The following TRAPPC9 variants were observed in gnomAD, a reference collection of about 807,000 sequenced individuals.
TRAPPC9 encodes the protein trafficking protein particle complex subunit 9.
In TRAPPC9, 83 loss-of-function variants were observed where a neutral mutation model predicts 124.0. The observed-to-expected ratio is 0.67, with a 90% CI of 0.56 to 0.80. The LOEUF is 0.80. TRAPPC9 is among the 30% of genes least tolerant of loss of function. TRAPPC9 has a pLI of 0.00. For missense variants in TRAPPC9, 1,302 were observed against 1,508.3 expected (o/e 0.86, Z 2.27); for synonymous variants, 638 against 617.5 (o/e 1.03, Z -0.49).
intron 21 of TRAPPC9, among the ~76,000 whole-genome samples, chr8:139,784,647 A>C (rs1363566964): frequency 7.0e-6 from 1 of 142,466 alleles, no homozygotes; most frequent in African/African-American, 2.6e-5. Flanking sequence ...ATATATATAA[A>C]TCAACTGCAT....
At chr8:140,244,870 A>G (rs1293721145) in intron 16 of TRAPPC9, among the ~76,000 whole-genome samples, 1 of 135,418 alleles carries the variant, frequency 7.4e-6, no homozygotes, top group Non-Finnish European at 1.5e-5. Flanking sequence ...GCAGTGGCGC[A>G]ATCTCGGCTC....
intron 19 of TRAPPC9, among the ~76,000 whole-genome samples, chr8:139,976,538 A>G (rs575998609): frequency 2.1e-4 from 32 of 152,336 alleles, no homozygotes; most frequent in African/African-American, 7.5e-4. Flanking sequence ...CACAATGCAC[A>G]AGGAACTCTC....
At chr8:140,368,426 C>T (rs1337165940) in intron 8 of TRAPPC9, among the ~76,000 whole-genome samples, 1 of 152,170 alleles carries the variant, frequency 6.6e-6, no homozygotes, top group Non-Finnish European at 1.5e-5. Context: ...CATCAGCGCT[C>T]CGCCTGCCCC....
rs201330989 is a variant in TRAPPC9, at chr8:140,451,187, G to A, written c.187C>T (p.Pro63Ser). 3.5e-5 allele frequency: 56 copies of A among 1,614,028 alleles called. No individual in the cohort carries two copies. Among genetic ancestry groups the A allele is most frequent in the Non-Finnish European group, 4.7e-5 (55 of 1,180,030 alleles). Residue 63 changes from proline (P) to serine (S), a missense_variant, in exon 2 of 23, where the codon CCC (proline) becomes TCC (serine). Coordinates refer to ENST00000438773, the MANE Select transcript of TRAPPC9 (RefSeq NM_001160372.4). Reference protein sequence around the residue: ...LYIRYRHHYPPENNEWGDFQT... With the variant: ...LYIRYRHHYPSENNEWGDFQT... ...AAGTCACCCCACTCGTTGTTCTCGG[G>A]TGGGTAGTGGTGCCTGTAGCGGATG...
At chr8:140,116,757 T>C (rs1348900190) in intron 17 of TRAPPC9, among the ~76,000 whole-genome samples, 1 of 152,082 alleles carries the variant, frequency 6.6e-6, no homozygotes, top group African/African-American at 2.4e-5. Context: ...AGATCTATGG[T>C]TTCTCAGTCC....
intron 9 of TRAPPC9, among the ~76,000 whole-genome samples, chr8:140,324,004 T>A (rs1022293388): frequency 6.6e-6 from 1 of 152,200 alleles, no homozygotes; most frequent in East Asian, 1.9e-4. Context: ...ACCCTAGCGA[T>A]ATACGCTGTA....
intron 16 of TRAPPC9, among the ~76,000 whole-genome samples, chr8:140,225,500 T>C (rs2063428580): frequency 6.6e-6 from 1 of 152,196 alleles, no homozygotes; most frequent in Non-Finnish European, 1.5e-5. Context: ...TTTTCTCTCT[T>C]TTTTCTCATT....
At chr8:140,272,964 A>G (rs980041768) in intron 15 of TRAPPC9, among the ~76,000 whole-genome samples, 3 of 152,078 alleles carry the variant, frequency 2.0e-5, no homozygotes, top group African/African-American at 4.8e-5. Context: ...GTGTGAGAAC[A>G]AATCTGAGTG....
rs34165847 is a variant in TRAPPC9 at position 140,144,086 on chromosome 8, T to A, written c.2556+77373A>T. 5.3e-5 allele frequency among the ~76,000 whole-genome samples: 8 copies of A among 152,194 alleles called. No individual in the cohort carries two copies. In the East Asian group the frequency reaches 7.7e-4, roughly 15 times the overall value. ...ATCTGTATAAGACTATTTTAATTAC[T>A]ATTGCTTTATAAGCCTTAATATCTA... On this transcript the variant is annotated intron_variant, in intron 17 of 22. Transcript: ENST00000438773.
In TRAPPC9 at chr8:140,252,492, C is replaced by G. The variant is rs192585739; in HGVS notation, c.2431+285G>C. The G allele has an allele frequency of 1.0e-5, 4 of 391,606 alleles. No homozygotes were observed. Among genetic ancestry groups the G allele is most frequent in the African/African-American group, 8.1e-5 (4 of 49,320 alleles). 24.3% of individuals were successfully genotyped at this position (391,606 alleles called of 1,614,324 possible). A position where few individuals can be genotyped will look rare whatever the true frequency, so the allele number is the denominator to read the frequency against. The stretch of plus-strand genomic sequence containing the variant: ...ATCACAGCAGTTATACTTGAAAAAA[C>G]GCAGTAATTCCTACATTCCACTAAT... On this transcript the variant is annotated intron_variant, in intron 16 of 22. Transcript: ENST00000438773. The surrounding 1 kb of genome is among the most constrained non-coding windows in gnomAD (Gnocchi z 4.2).
At chr8:139,800,483 C>T (rs1823414744) in intron 21 of TRAPPC9, among the ~76,000 whole-genome samples, 1 of 152,250 alleles carries the variant, frequency 6.6e-6, no homozygotes, top group Admixed American at 6.5e-5. Flanking sequence ...AGACCAGCTG[C>T]TTTCTGGGTC....
chr8:139,944,199 C>T (rs1460596648), intron 19 of TRAPPC9, among the ~76,000 whole-genome samples: 1 of 152,158 alleles, frequency 6.6e-6, no homozygotes, highest in Non-Finnish European at 1.5e-5. Flanking sequence ...CAACAGAAGT[C>T]TCCCTTTACA....
chr8:140,048,064 T>C (rs1332580976), intron 17 of TRAPPC9, among the ~76,000 whole-genome samples: 1 of 152,204 alleles, frequency 6.6e-6, no homozygotes, highest in Non-Finnish European at 1.5e-5. Flanking sequence ...CAGAAGCCCC[T>C]CTGATAGGCA....
intron 8 of TRAPPC9, among the ~76,000 whole-genome samples, chr8:140,361,733 C>G (rs2067959155): frequency 6.6e-6 from 1 of 151,952 alleles, no homozygotes; most frequent in South Asian, 2.1e-4. Flanking sequence ...GTAAAATTAC[C>G]TGCTTGTGTG....
intron 6 of TRAPPC9, among the ~76,000 whole-genome samples, chr8:140,403,695 T>C (rs1478423573): frequency 6.6e-6 from 1 of 151,820 alleles, no homozygotes; most frequent in African/African-American, 2.4e-5. Context: ...TCTCACTCTG[T>C]AGCCTAAGCT....
chr8:140,287,690 C>A lies in TRAPPC9; in HGVS notation c.1899G>T (p.Ala633=). The change falls in exon 13 of 23, where the codon GCG becomes GCT. Residue 633 remains alanine, a synonymous_variant. Coordinates refer to ENST00000438773, the MANE Select transcript of TRAPPC9 (RefSeq NM_001160372.4). ...GACCAGATTCAGCCGGAAGAGAAAG[C>A]GCCGCAGGGAGAGACTCGAACTCCA... ...SGVEFESLPA[A]LSLPAESGLY... 1 of 1,614,168 alleles carries A rather than the reference C, an allele frequency of 6.2e-7. No individual in the cohort carries two copies. The highest frequency in any genetic ancestry group is 8.5e-7 in the Non-Finnish European group (1 of 1,180,024).
intron 9 of TRAPPC9, among the ~76,000 whole-genome samples, chr8:140,333,348 T>C (rs1402680262): frequency 6.6e-6 from 1 of 152,170 alleles, no homozygotes; most frequent in African/African-American, 2.4e-5. Context: ...TAGCTAGATA[T>C]AGATATAGAT....
chr8:140,223,742 T>TA lies in TRAPPC9; in HGVS notation c.2432-2160dup, dbSNP rs56716646. 3.5e-3 allele frequency among the ~76,000 whole-genome samples: 502 copies of TA among 144,602 alleles called. 1 individual carries two copies. Among genetic ancestry groups the TA allele is most frequent in the African/African-American group, 3.3e-3 (130 of 39,578 alleles). 94.9% of individuals were successfully genotyped at this position (144,602 alleles called of 152,430 possible). A position where few individuals can be genotyped will look rare whatever the true frequency, so the allele number is the denominator to read the frequency against. ...AGCATAATAGAAATAGTTCATAATTTAAAAAAAAAAAAACAAAAACACTTC... is the reference window on the plus strand; with the variant it reads ...AGCATAATAGAAATAGTTCATAATTTAAAAAAAAAAAAAACAAAAACACTTC... On this transcript the variant is annotated intron_variant, in intron 16 of 22. Coordinates refer to ENST00000438773, the MANE Select transcript of TRAPPC9 (RefSeq NM_001160372.4).
At chr8:140,268,966 G>C (rs1364470009) in intron 15 of TRAPPC9, among the ~76,000 whole-genome samples, 2 of 152,172 alleles carry the variant, frequency 1.3e-5, no homozygotes, top group African/African-American at 4.8e-5. Flanking sequence ...CAGGTAAATG[G>C]AAAGTGTGGC....
Sources: gnomAD v4.1 joint callset for allele counts (sites outside exome capture counted in the v4.1 genomes callset) on GRCh38, gnomAD v4.1.1 for gene constraint, Gnocchi (gnomAD v3.1) non-coding constraint, MANE v1.5 for transcripts, NCBI Gene and HGNC (gene_info 2026-07-23, HGNC 2026-07-21) for gene names.